LCORL: variants seen among roughly 807,000 people sequenced by gnomAD.
The protein encoded by LCORL is ligand dependent nuclear receptor corepressor like, also known as ligand-dependent nuclear receptor corepressor-like protein.
LCORL carries 41 observed loss-of-function variants against 141.8 expected under a neutral mutation model. That is an observed-to-expected ratio of 0.29 (90% CI 0.23 to 0.38). The LOEUF is 0.38. Ranked by LOEUF, LCORL falls within the 10% of genes least tolerant of loss-of-function variation. The probability of loss-of-function intolerance (pLI) is 1.00; values close to 1 mark genes in which losing one functional copy is unlikely to be tolerated. For missense variants in LCORL, 1,759 were observed against 2,035.0 expected, an observed-to-expected ratio of 0.86 and a Z score of 2.61; for synonymous variants, 618 against 694.1, an observed-to-expected ratio of 0.89 and a Z score of 1.72.
chr4:17,997,825 T>C (rs1721151262), intron 1 of LCORL, among the ~76,000 whole-genome samples: 1 of 152,158 alleles, frequency 6.6e-6, no homozygotes, highest in East Asian at 1.9e-4. Flanking sequence ...GATGAAAATT[T>C]TAATTTCAGA....
At chr4:17,949,963 T>A (rs1349548601) in intron 4 of LCORL, among the ~76,000 whole-genome samples, 2 of 152,184 alleles carry the variant, frequency 1.3e-5, no homozygotes, top group African/African-American at 4.8e-5. Context: ...TAAACCACTA[T>A]GCACATTTTC....
chr4:17,964,718 T>TC (rs1714521914), intron 2 of LCORL, among the ~76,000 whole-genome samples: 1 of 152,096 alleles, frequency 6.6e-6, no homozygotes, highest in African/African-American at 2.4e-5. Flanking sequence ...AAGATGTTAT[T>TC]CCCCACTCAC....
chr4:17,933,667 T>C (rs561754549), intron 4 of LCORL, among the ~76,000 whole-genome samples: 94 of 152,208 alleles, frequency 6.2e-4, no homozygotes, highest in African/African-American at 2.2e-3. Context: ...CTTCTGTTTT[T>C]CTGCTTGTTT....
intron 1 of LCORL, among the ~76,000 whole-genome samples, chr4:18,003,396 A>C (rs6821168): frequency 0.24 from 36,102 of 152,120 alleles, 5,463 homozygotes; most frequent in African/African-American, 0.43. Context: ...ATGAGAAGGA[A>C]GATAAGTAAA....
chr4:17,904,496 T>C (rs989123102), intron 5 of LCORL, among the ~76,000 whole-genome samples: 3 of 152,168 alleles, frequency 2.0e-5, no homozygotes, highest in East Asian at 1.9e-4. Context: ...TGAATTAAGA[T>C]ATTATCCTAT....
chr4:17,874,855 T>C (rs1726747246), exon 7 of LCORL: 5 of 1,233,662 alleles, frequency 4.1e-6, no homozygotes, highest in Middle Eastern at 2.1e-4. Context: ...ATTTTCATCT[T>C]TGAGTGCCTA....
intron 7 of LCORL, among the ~76,000 whole-genome samples, chr4:17,857,329 G>A (rs1347104819): frequency 1.3e-5 from 2 of 152,172 alleles, no homozygotes; most frequent in African/African-American, 4.8e-5. Context: ...TTGGGTTAAA[G>A]ATAAATACTG....
chr4:17,913,413 T>C (rs1286058620), intron 4 of LCORL, among the ~76,000 whole-genome samples: 1 of 152,152 alleles, frequency 6.6e-6, no homozygotes, highest in African/African-American at 2.4e-5. Flanking sequence ...ATCCTGAAGA[T>C]AAAACACAAT....
At chr4:17,966,553 C>T (rs1714915152) in intron 2 of LCORL, among the ~76,000 whole-genome samples, 1 of 152,080 alleles carries the variant, frequency 6.6e-6, no homozygotes. Context: ...GATTTCCATA[C>T]AATCTGTCTC....
chr4:17,911,993 G>A (rs1732629604), intron 4 of LCORL: 1 of 635,854 alleles, frequency 1.6e-6, no homozygotes, highest in African/African-American at 1.8e-5. Flanking sequence ...GACAGAGTGA[G>A]GAGCCTGGAG....
intron 1 of LCORL, among the ~76,000 whole-genome samples, chr4:18,004,695 C>G (rs568764369): frequency 2.0e-5 from 3 of 152,272 alleles, no homozygotes; most frequent in Admixed American, 1.3e-4. Flanking sequence ...TCCCAGCAGT[C>G]CCCCCGCAAA....
Position 17,861,775 on chromosome 4 carries a change from C to T in LCORL, c.5602+11613G>A, listed in dbSNP as rs186451634. 1.6e-4 allele frequency among the ~76,000 whole-genome samples: 25 copies of T among 152,250 alleles called. No homozygotes were observed. The East Asian group carries it at 2.7e-3, about 16-fold the overall frequency. On this transcript the variant is annotated intron_variant, in intron 7 of 7. Transcript: ENST00000635767. Reference sequence around the variant, plus strand: ...TGCTTTGCTGCTTAGAAATTTCTTCCGCCATATACCCTAAATCATCTTTCT... The same window carrying T: ...TGCTTTGCTGCTTAGAAATTTCTTCTGCCATATACCCTAAATCATCTTTCT...
At chr4:17,897,312 G>C (rs1314591020) in intron 5 of LCORL, among the ~76,000 whole-genome samples, 4 of 116,446 alleles carry the variant, frequency 3.4e-5, no homozygotes, top group Middle Eastern at 6.7e-3. Context: ...TTAGTTTTTT[G>C]AGTAACCTCT....
chr4:17,911,962 G>A (rs961342284), intron 4 of LCORL: 7 of 605,492 alleles, frequency 1.2e-5, no homozygotes, highest in Non-Finnish European at 2.2e-5. Context: ...AAGCCTGAAT[G>A]ACTGCTTGGC....
At chr4:17,865,909 C>A (rs1257530954) in intron 7 of LCORL, among the ~76,000 whole-genome samples, 2 of 152,272 alleles carry the variant, frequency 1.3e-5, no homozygotes, top group African/African-American at 4.8e-5. Context: ...ACAATGCAAC[C>A]AGGGAGATCT....
At chr4:17,973,420 T>TA (rs991905037) in intron 1 of LCORL, among the ~76,000 whole-genome samples, 4 of 151,610 alleles carry the variant, frequency 2.6e-5, no homozygotes, top group South Asian at 2.1e-4. Flanking sequence ...AAATTTTAGG[T>TA]AAAAAAAATT....
chr4:17,876,016 A>G, exon 7 of LCORL: 1 of 1,231,004 alleles, frequency 8.1e-7, no homozygotes, highest in Non-Finnish European at 1.0e-6. Context: ...GGTTTTTCAG[A>G]AGGGAGAACA....
intron 2 of LCORL, among the ~76,000 whole-genome samples, chr4:17,965,001 A>G (rs1714597551): frequency 6.6e-6 from 1 of 152,040 alleles, no homozygotes; most frequent in African/African-American, 2.4e-5. Flanking sequence ...TCCTCAATCA[A>G]GGGCCAACAA....
chr4:17,901,616 T>C (rs1171348948), intron 5 of LCORL, among the ~76,000 whole-genome samples: 1 of 152,094 alleles, frequency 6.6e-6, no homozygotes, highest in Non-Finnish European at 1.5e-5. Context: ...CAGCACTCAA[T>C]ATAGCTGTAA....
Sources: allele counts gnomAD v4.1 joint callset (sites outside exome capture counted in the v4.1 genomes callset), GRCh38; gene constraint gnomAD v4.1.1; transcripts MANE v1.5; gene names NCBI Gene and HGNC (gene_info 2026-07-23, HGNC 2026-07-21).